The following ABR variants were observed in gnomAD, a reference collection of about 807,000 sequenced individuals.
ABR encodes ABR activator of RhoGEF and GTPase.
Under a neutral mutation model 107.2 loss-of-function variants are expected in ABR, and 35 were observed. That is an observed-to-expected ratio of 0.33 (90% CI 0.25 to 0.43). The LOEUF (loss-of-function observed/expected upper bound fraction) is 0.43, where lower values mean the gene tolerates loss of function less well. Among genes scored for constraint, ABR ranks in the 20% least tolerant of loss-of-function variants. ABR has a pLI of 1.00. For synonymous variants in ABR, 498 were observed against 462.0 expected (o/e 1.08, Z -1.00); for missense variants, 815 against 1,115.2 (o/e 0.73, Z 3.83).
chr17:1,077,618 G>A (rs2035836285), intron 6 of ABR, among the ~76,000 whole-genome samples: 1 of 152,126 alleles, frequency 6.6e-6, no homozygotes, highest in Non-Finnish European at 1.5e-5. Context: ...GCCCCACACA[G>A]CCCCTCCAGC....
rs1047907826 is a variant in ABR at position 1,005,492 on chromosome 17, A to G, written c.*588T>C. ...CCGGCAGCGGCAAACGGCAGCATCA[A>G]ACAGACCACTGCTGCCGCGGCAACC... On this transcript the variant is annotated 3_prime_UTR_variant, in exon 23 of 23. Transcript: ENST00000302538. The G allele has an allele frequency of 8.3e-5, 20 of 241,930 alleles. No individual in the cohort carries two copies. Among genetic ancestry groups the G allele is most frequent in the Middle Eastern group, 1.3e-3 (1 of 792 alleles). 15.0% of individuals were successfully genotyped at this position (241,930 alleles called of 1,614,324 possible). A position where few individuals can be genotyped will look rare whatever the true frequency, so the allele number is the denominator to read the frequency against.
upstream of ABR, among the ~76,000 whole-genome samples, chr17:1,182,662 G>A (rs1432573773): frequency 2.0e-5 from 3 of 152,168 alleles, no homozygotes; most frequent in African/African-American, 4.8e-5. Context: ...CACCGCGCCC[G>A]GCCTGTTCAT....
At chr17:1,186,598 C>G (rs1486504819) in intron 1 of ABR, among the ~76,000 whole-genome samples, 1 of 152,246 alleles carries the variant, frequency 6.6e-6, no homozygotes, top group Non-Finnish European at 1.5e-5. Flanking sequence ...GCAAGGGCAG[C>G]ATCCTGGGCA....
At chr17:1,125,126 G>A (rs1413258441) in intron 2 of ABR, 57 bp downstream of exon 2, 5 of 1,507,504 alleles carry the variant, frequency 3.3e-6, no homozygotes, top group Non-Finnish European at 4.5e-6. Context: ...GGCCCACGAT[G>A]CCCAGGCCTT....
chr17:1,040,055 G>C (rs1470361577), intron 16 of ABR, among the ~76,000 whole-genome samples: 1 of 152,186 alleles, frequency 6.6e-6, no homozygotes, highest in Non-Finnish European at 1.5e-5. Flanking sequence ...TGGCCCACGC[G>C]TGAGGCCTGG....
At chr17:1,059,147 T>C (rs2264055) in intron 10 of ABR, among the ~76,000 whole-genome samples, 134,746 of 151,936 alleles carry the variant, frequency 0.89, 59,954 homozygotes, top group East Asian at 0.97. Context: ...CTTCTCTACC[T>C]GACGCTCACT....
In ABR at chr17:1,009,273, C is replaced by G. The variant is rs563389856; in HGVS notation, c.2342+406G>C. Reference sequence around the variant, plus strand: ...CCACCCCCCACTGCTGTCCACCCCCCACTGCTGTCCACCCCCCACTGCATC... The same window carrying G: ...CCACCCCCCACTGCTGTCCACCCCCGACTGCTGTCCACCCCCCACTGCATC... On this transcript the variant is annotated intron_variant, in intron 21 of 22. Transcript: ENST00000302538. Among the ~76,000 whole-genome samples, 23 of 138,730 alleles carry G rather than the reference C, an allele frequency of 1.7e-4. No individual in the cohort carries two copies. In the East Asian group the frequency reaches 5.1e-3, roughly 31 times the overall value. 91.0% of individuals were successfully genotyped at this position (138,730 alleles called of 152,430 possible).
chr17:1,180,198 G>A (rs1315652421), upstream of ABR, among the ~76,000 whole-genome samples: 9 of 152,092 alleles, frequency 5.9e-5, no homozygotes, highest in East Asian at 1.6e-3. Context: ...AGGCGGCGGC[G>A]CAGACCCAGG....
intron 16 of ABR, among the ~76,000 whole-genome samples, chr17:1,049,315 C>G (rs111710835): frequency 1.3e-5 from 2 of 152,016 alleles, no homozygotes; most frequent in African/African-American, 4.8e-5. Context: ...TTACAGGCGC[C>G]CGCCACCACG....
intron 1 of ABR, among the ~76,000 whole-genome samples, chr17:1,226,124 CACA>C (rs1216410802): frequency 1.3e-5 from 2 of 152,156 alleles, no homozygotes; most frequent in African/African-American, 4.8e-5. Context: ...GAATAAGACC[CACA>C]TGCAAAATTG....
Position 1,073,805 on chromosome 17 carries a change from G to A in ABR, c.701-128C>T, listed in dbSNP as rs1207181879. On this transcript the variant is annotated intron_variant, in intron 6 of 22. Transcript: ENST00000302538. The stretch of plus-strand genomic sequence containing the variant: ...AACACCCCTCGAGGGACACCAGAGT[G>A]AGCCCACGGCAGCCCCCACCTCTGT... 9.1e-6 allele frequency: 7 copies of A among 772,174 alleles called. No homozygotes were observed. In the African/African-American group the frequency reaches 1.2e-4, roughly 14 times the overall value. 47.8% of individuals were successfully genotyped at this position (772,174 alleles called of 1,614,324 possible). A position where few individuals can be genotyped will look rare whatever the true frequency, so the allele number is the denominator to read the frequency against.
intron 1 of ABR, among the ~76,000 whole-genome samples, chr17:1,213,654 G>A (rs1311379337): frequency 6.6e-6 from 1 of 152,114 alleles, no homozygotes; most frequent in Non-Finnish European, 1.5e-5. Flanking sequence ...GCCTCCGAAA[G>A]TGCTGGGATT....
Position 1,011,827 on chromosome 17 carries a change from C to G in ABR, c.2101+19G>C. The G allele has an allele frequency of 6.4e-7, 1 of 1,557,594 alleles. No homozygotes were observed. Among genetic ancestry groups the G allele is most frequent in the Non-Finnish European group, 8.7e-7 (1 of 1,144,704 alleles). On this transcript the variant is annotated intron_variant, in intron 19 of 22. Coordinates refer to ENST00000302538, the MANE Select transcript of ABR (RefSeq NM_021962.5). The surrounding 1 kb of genome is among the most constrained non-coding windows in gnomAD (Gnocchi z 4.8). The stretch of plus-strand genomic sequence containing the variant: ...TCAGACACAGCCACACCTGCCCCGG[C>G]TGGGCCTCCCAGACTCACTGGCATC...
At chr17:1,108,802 C>G in intron 2 of ABR, 1 of 738,560 alleles carries the variant, frequency 1.4e-6, no homozygotes, top group Non-Finnish European at 1.8e-6. Flanking sequence ...GAACAGCTGC[C>G]GGGGCCGGGA....
At chr17:1,104,269 C>A (rs2038099374) in intron 2 of ABR, among the ~76,000 whole-genome samples, 1 of 152,184 alleles carries the variant, frequency 6.6e-6, no homozygotes, top group Non-Finnish European at 1.5e-5. Context: ...AGCCGCCAAA[C>A]CAAAGACGTC....
chr17:1,206,296 C>T (rs191185702), intron 1 of ABR, among the ~76,000 whole-genome samples: 4 of 152,232 alleles, frequency 2.6e-5, no homozygotes, highest in Admixed American at 6.5e-5. Context: ...CGTGCACAAC[C>T]GAGCATCCCT....
At position 1,157,103 on chromosome 17, in the gene ABR, CGGATGA is replaced by C. The variant is rs1193098657; in HGVS notation, c.61+22558_61+22563del. ...AGGCACTAATATTATCTCAATTTTA[CGGATGA>C]GGAAACCGAAGCTCAGATAGGTCAG... On this transcript the variant is annotated intron_variant, in intron 1 of 22. Coordinates refer to ENST00000302538, the MANE Select transcript of ABR (RefSeq NM_021962.5). This position sits in a 1 kb window ranked among gnomAD's most constrained non-coding sequence, Gnocchi z 4.7. 6.6e-6 allele frequency among the ~76,000 whole-genome samples: 1 copy of C among 152,170 alleles called. No individual in the cohort carries two copies. Among genetic ancestry groups the C allele is most frequent in the Non-Finnish European group, 1.5e-5 (1 of 68,044 alleles).
At chr17:1,014,303 T>A (rs1278354743) in intron 16 of ABR, among the ~76,000 whole-genome samples, 1 of 127,226 alleles carries the variant, frequency 7.9e-6, no homozygotes, top group Non-Finnish European at 1.7e-5. Flanking sequence ...TAGCCGGGCG[T>A]GGTGGCGGGC....
chr17:1,124,612 T>C (rs1261428864), intron 2 of ABR, among the ~76,000 whole-genome samples: 1 of 152,198 alleles, frequency 6.6e-6, no homozygotes, highest in Non-Finnish European at 1.5e-5. Flanking sequence ...AGCACATACT[T>C]AATATTCCTT....
Sources: gnomAD v4.1 joint callset for allele counts (sites outside exome capture counted in the v4.1 genomes callset) on GRCh38, gnomAD v4.1.1 for gene constraint, Gnocchi (gnomAD v3.1) non-coding constraint, MANE v1.5 for transcripts, NCBI Gene and HGNC (gene_info 2026-07-23, HGNC 2026-07-21) for gene names.